Variants in WHAMM observed in about 807,000 individuals in gnomAD.
WHAMM encodes the protein WASP homolog-associated protein with actin, membranes and microtubules.
Under a neutral mutation model 76.5 loss-of-function variants are expected in WHAMM, and 67 were observed. That is an observed-to-expected ratio of 0.88 (90% CI 0.72 to 1.07). The LOEUF (loss-of-function observed/expected upper bound fraction) is 1.07. Among genes scored for constraint, WHAMM ranks in the 50% least tolerant of loss-of-function variants. The pLI is 0.00. For missense variants in WHAMM, 1,021 were observed against 1,051.1 expected (o/e 0.97, Z 0.40); for synonymous variants, 419 against 422.1 (o/e 0.99, Z 0.09).
In WHAMM at chr15:82,834,750, C is replaced by T. The variant is rs1264047223; in HGVS notation, c.*1214C>T. ...ATTTGCAATGCATTAGCATCACTCA[C>T]GGGGTAATGAAAACATACCTTAGCT... On this transcript the variant is annotated 3_prime_UTR_variant, in exon 10 of 10. Transcript: ENST00000286760. 4.6e-5 allele frequency: 7 copies of T among 152,502 alleles called. No homozygotes were observed. The East Asian group carries it at 7.7e-4, about 17-fold the overall frequency. The allele number at this position is 152,502 out of a possible 1,614,324, so 9.4% of individuals were successfully genotyped here.
chr15:82,833,532 GTTAGGCTCAAGTTTGACA>G lies in WHAMM; in HGVS notation c.2427_*14del. The G allele has an allele frequency of 1.2e-6, 2 of 1,612,684 alleles. No individual in the cohort carries two copies. Among genetic ancestry groups the G allele is most frequent in the East Asian group, 2.2e-5 (1 of 44,880 alleles). ...GAGCAGGACCCTGGCCAGTGGGATGGTTAGGCTCAAGTTTGACAAAGGCACCTGCCACAGTAGGCTTGA... is the reference window on the plus strand; with the variant it reads ...GAGCAGGACCCTGGCCAGTGGGATGGAAGGCACCTGCCACAGTAGGCTTGA... On this transcript the variant is annotated stop_lost and 3_prime_UTR_variant, in exon 10 of 10. Coordinates refer to ENST00000286760, the MANE Select transcript of WHAMM (RefSeq NM_001080435.3).
In WHAMM at chr15:82,833,447, A is replaced by G. The variant is rs746660734; in HGVS notation, c.2341A>G (p.Ile781Val). ...ACGCACCAGTGACCTTGAGAGGAGC[A>G]TCAAGGCTGCGCTCCAGAGAATCAA... ...NRRTSDLERS[I>V]KAALQRIKRV... Residue 781 changes from isoleucine to valine, a missense_variant, in exon 10 of 10, where the codon ATC becomes GTC. Ile to Val is a conservative substitution (Grantham distance 29, BLOSUM62 3). Around this residue, in one of 3 missense-constraint regions of WHAMM, gnomAD observed 509 missense variants for 492.3 expected, o/e 1.03. Coordinates refer to ENST00000286760, the MANE Select transcript of WHAMM (RefSeq NM_001080435.3). 1.2e-6 allele frequency: 2 copies of G among 1,614,060 alleles called. No individual in the cohort carries two copies. Among genetic ancestry groups the G allele is most frequent in the South Asian group, 2.2e-5 (2 of 91,088 alleles).
rs953861011 is a variant in WHAMM, at chr15:82,834,049, CTTTCT to C, written c.*517_*521del. ...CCACCACGCCCAGCCTTTTTTTTTT[CTTTCT>C]TTTGAGACAGAATCTCTCTGTCATC... On this transcript the variant is annotated 3_prime_UTR_variant, in exon 10 of 10. Transcript: ENST00000286760. 5.9e-5 allele frequency: 9 copies of C among 151,756 alleles called. No individual in the cohort carries two copies. The highest frequency in any genetic ancestry group is 1.7e-4 in the African/African-American group (7 of 40,372). The allele number at this position is 151,756 out of a possible 1,614,324, so 9.4% of individuals were successfully genotyped here.
At chr15:82,824,390 C>T (rs919329654) in intron 6 of WHAMM, among the ~76,000 whole-genome samples, 3 of 151,848 alleles carry the variant, frequency 2.0e-5, no homozygotes, top group African/African-American at 7.3e-5. Flanking sequence ...TGCAGTGGCA[C>T]GATCTCGGCT....
Position 82,813,299 on chromosome 15 carries a change from C to CT in WHAMM, c.783+26dup, listed in dbSNP as rs758687009. On this transcript the variant is annotated intron_variant, in intron 2 of 9. Coordinates refer to ENST00000286760, the MANE Select transcript of WHAMM (RefSeq NM_001080435.3). ...TTGGTATGTTTTTTTAAAATTTTTACTTTATCAGATTTACTATTTGTCATA... is the reference window on the plus strand; with the variant it reads ...TTGGTATGTTTTTTTAAAATTTTTACTTTTATCAGATTTACTATTTGTCATA... The CT allele has an allele frequency of 2.0e-5, 30 of 1,477,376 alleles. No homozygotes were observed. The Middle Eastern group carries it at 5.3e-4, about 26-fold the overall frequency. The allele number at this position is 1,477,376 out of a possible 1,614,324, so 91.5% of individuals were successfully genotyped here. A position where few individuals can be genotyped will look rare whatever the true frequency, so the allele number is the denominator to read the frequency against.
At chr15:82,828,337 C>A (rs945655292) in intron 8 of WHAMM, among the ~76,000 whole-genome samples, 1 of 152,206 alleles carries the variant, frequency 6.6e-6, no homozygotes, top group Admixed American at 6.5e-5. Context: ...ACATCCACAT[C>A]CCCTGGAGAG....
chr15:82,814,851 C>T (rs1256310782), intron 2 of WHAMM, among the ~76,000 whole-genome samples: 1 of 142,744 alleles, frequency 7.0e-6, no homozygotes, highest in African/African-American at 2.6e-5. Context: ...CTCACTGCAA[C>T]CTCTGCCTCC....
chr15:82,827,761 A>G (rs2050960311), intron 8 of WHAMM, among the ~76,000 whole-genome samples: 1 of 152,182 alleles, frequency 6.6e-6, no homozygotes, highest in African/African-American at 2.4e-5. Context: ...GCTGGGCAAC[A>G]TGGTGAAACC....
chr15:82,833,208 G>A (rs762205997), intron 9 of WHAMM, 21 bp from the exon 10 acceptor site: 1 of 1,608,176 alleles, frequency 6.2e-7, no homozygotes, highest in East Asian at 2.2e-5. Context: ...GATAGTACTA[G>A]CTCTGCTTAT....
chr15:82,824,938 C>T (rs1305071253), intron 6 of WHAMM, among the ~76,000 whole-genome samples: 3 of 152,104 alleles, frequency 2.0e-5, no homozygotes, highest in Non-Finnish European at 4.4e-5. Context: ...GGGAGAATCA[C>T]TTAAGGCCAG....
intron 8 of WHAMM, among the ~76,000 whole-genome samples, chr15:82,829,851 G>A (rs1466718785): frequency 2.6e-5 from 4 of 152,144 alleles, no homozygotes; most frequent in African/African-American, 9.7e-5. Flanking sequence ...TACATTTTAT[G>A]TTTTATTGGC....
rs1163273750 is a variant in WHAMM at position 82,823,147 on chromosome 15, G to A, written c.1318G>A (p.Glu440Lys). ...VYYDPCENPE[E>K]LKVIDCVVGL... ...TTACGATCCATGTGAAAATCCAGAG[G>A]AACTTAAAGTCATTGACTGTGTGGT... Residue 440 changes from glutamate (E) to lysine (K), a missense_variant, in exon 6 of 10, where the codon GAA becomes AAA. By Grantham distance (56) the Glu-to-Lys change is moderately conservative. Around this residue, in one of 3 missense-constraint regions of WHAMM, gnomAD observed 509 missense variants for 492.3 expected, o/e 1.03. Coordinates refer to ENST00000286760, the MANE Select transcript of WHAMM (RefSeq NM_001080435.3). 1.3e-6 allele frequency: 2 copies of A among 1,487,698 alleles called. No individual in the cohort carries two copies. The highest frequency in any genetic ancestry group is 1.5e-5 in the South Asian group (1 of 68,886). 92.2% of individuals were successfully genotyped at this position (1,487,698 alleles called of 1,614,324 possible).
chr15:82,809,967 C>T lies in WHAMM; in HGVS notation c.241C>T (p.Leu81=). 2 of 1,321,382 alleles carry T rather than the reference C, an allele frequency of 1.5e-6. No individual in the cohort carries two copies. Among genetic ancestry groups the T allele is most frequent in the Non-Finnish European group, 1.9e-6 (2 of 1,035,512 alleles). 81.9% of individuals were successfully genotyped at this position (1,321,382 alleles called of 1,614,324 possible). A position where few individuals can be genotyped will look rare whatever the true frequency, so the allele number is the denominator to read the frequency against. The change falls in exon 1 of 10, where the codon CTG becomes TTG. Residue 81 remains leucine (L), a synonymous_variant. Coordinates refer to ENST00000286760, the MANE Select transcript of WHAMM (RefSeq NM_001080435.3). Reference sequence around the variant, plus strand: ...CGTCTCCCCGTCCAGCTGGGCCGGCCTGCTCTCGGCCGCGGGGCTCCGCGG... The same window carrying T: ...CGTCTCCCCGTCCAGCTGGGCCGGCTTGCTCTCGGCCGCGGGGCTCCGCGG... ...AAVSPSSWAG[L]LSAAGLRGAH... is the part of the protein sequence containing the mutation.
chr15:82,824,396 C>T (rs1372051015), intron 6 of WHAMM, among the ~76,000 whole-genome samples: 4 of 152,096 alleles, frequency 2.6e-5, no homozygotes, highest in South Asian at 4.2e-4. Context: ...GGCACGATCT[C>T]GGCTCACTGC....
intron 6 of WHAMM, among the ~76,000 whole-genome samples, chr15:82,823,790 T>C (rs1245667874): frequency 6.6e-6 from 1 of 152,196 alleles, no homozygotes; most frequent in Admixed American, 6.5e-5. Context: ...GGTCTTGAAC[T>C]CCTGACCTCA....
intron 6 of WHAMM, among the ~76,000 whole-genome samples, chr15:82,825,443 C>T (rs538526045): frequency 9.8e-4 from 149 of 152,240 alleles, no homozygotes; most frequent in African/African-American, 3.5e-3. Flanking sequence ...AATCACTCCC[C>T]CTACCCCATT....
At chr15:82,814,665 T>C (rs2050688596) in intron 2 of WHAMM, among the ~76,000 whole-genome samples, 1 of 151,822 alleles carries the variant, frequency 6.6e-6, no homozygotes, top group Non-Finnish European at 1.5e-5. Flanking sequence ...TTGGTCAGGC[T>C]GGTCTCGAAC....
chr15:82,833,720 C>CA lies in WHAMM; in HGVS notation c.*185dup. 1 of 645,092 alleles carries CA rather than the reference C, an allele frequency of 1.6e-6. No homozygotes were observed. Among genetic ancestry groups the CA allele is most frequent in the Non-Finnish European group, 2.6e-6 (1 of 388,614 alleles). 40.0% of individuals were successfully genotyped at this position (645,092 alleles called of 1,614,324 possible). On this transcript the variant is annotated 3_prime_UTR_variant, in exon 10 of 10. Coordinates refer to ENST00000286760, the MANE Select transcript of WHAMM (RefSeq NM_001080435.3). ...TTTTTTCTTTTTTGAGATGGAGTCTCACTCTGTCGCCCAGGCTGGGGTGCA... is the reference window on the plus strand; with the variant it reads ...TTTTTTCTTTTTTGAGATGGAGTCTCAACTCTGTCGCCCAGGCTGGGGTGCA...
intron 1 of WHAMM, 198 bp downstream of exon 1, chr15:82,810,533 A>G (rs2050610732): frequency 2.5e-5 from 25 of 985,346 alleles, no homozygotes; most frequent in Non-Finnish European, 3.0e-5. Flanking sequence ...GAGGGTCTGC[A>G]GAGAGGACAA....
Sources: gnomAD v4.1 joint callset for allele counts (sites outside exome capture counted in the v4.1 genomes callset) on GRCh38, gnomAD v4.1.1 for gene constraint, gnomAD v4.1.1 regional missense constraint, MANE v1.5 for transcripts, NCBI Gene and HGNC (gene_info 2026-07-23, HGNC 2026-07-21) for gene names.